Variants in RPS6KA5 observed in about 807,000 individuals in gnomAD.
The protein encoded by RPS6KA5 is ribosomal protein S6 kinase A5, also known as ribosomal protein S6 kinase alpha-5.
Under a neutral mutation model 85.5 loss-of-function variants are expected in RPS6KA5, and 27 were observed. The ratio of observed to expected loss-of-function variants is 0.32; its 90% confidence interval spans 0.23 to 0.44. RPS6KA5 has a LOEUF of 0.44. RPS6KA5 is among the 20% of genes least tolerant of loss of function. The probability of loss-of-function intolerance (pLI) is 1.00; values close to 1 mark genes in which losing one functional copy is unlikely to be tolerated. For synonymous variants in RPS6KA5, 334 were observed against 348.2 expected, an observed-to-expected ratio of 0.96 and a Z score of 0.46; for missense variants, 811 against 980.9, an observed-to-expected ratio of 0.83 and a Z score of 2.31.
In RPS6KA5 at chr14:90,870,608, GAATA is replaced by G. The variant is rs897835863; in HGVS notation, c.*1462_*1465del. On this transcript the variant is annotated 3_prime_UTR_variant, in exon 17 of 17. Transcript: ENST00000614987. ...TAATGCTGCTATAACCTCAAGAAAG[GAATA>G]AATAAATATCATGTCCAAATTCCAA... The G allele has an allele frequency of 5.9e-5, 9 of 151,800 alleles. No homozygotes were observed. Among genetic ancestry groups the G allele is most frequent in the African/African-American group, 2.2e-4 (9 of 41,340 alleles). The allele number at this position is 151,800 out of a possible 1,614,324, so 9.4% of individuals were successfully genotyped here.
In RPS6KA5 at chr14:90,938,424, C is replaced by G. The variant is rs2037394809; in HGVS notation, c.618+4654G>C. 2.0e-5 allele frequency among the ~76,000 whole-genome samples: 3 copies of G among 152,184 alleles called. No individual in the cohort carries two copies. In the South Asian group the frequency reaches 6.2e-4, roughly 32 times the overall value. On this transcript the variant is annotated intron_variant, in intron 5 of 16. Coordinates refer to ENST00000614987, the MANE Select transcript of RPS6KA5 (RefSeq NM_004755.4). ...CATTCTGAGGTTTAAAGGACAGTGG[C>G]CCTCTTCTCACAGCTCCACTAGGCA... is the stretch of plus-strand genomic sequence containing the variant.
chr14:90,957,028 C>G (rs887745661), intron 3 of RPS6KA5, among the ~76,000 whole-genome samples: 5 of 146,416 alleles, frequency 3.4e-5, no homozygotes, highest in Admixed American at 6.9e-5. Context: ...CCCCCTACTT[C>G]CATCCCCAAC....
intron 1 of RPS6KA5, among the ~76,000 whole-genome samples, chr14:91,010,241 T>C (rs2041203586): frequency 5.3e-5 from 8 of 152,192 alleles, no homozygotes; most frequent in Non-Finnish European, 1.5e-5. Flanking sequence ...TGCAGATTAT[T>C]TGTATGATGA....
intron 3 of RPS6KA5, among the ~76,000 whole-genome samples, chr14:90,949,518 T>A (rs917256462): frequency 1.1e-4 from 17 of 152,246 alleles, no homozygotes; most frequent in African/African-American, 4.1e-4. Context: ...TATTAACAAT[T>A]GAACACAAAT....
chr14:90,937,968 T>C (rs1458333079), intron 5 of RPS6KA5, among the ~76,000 whole-genome samples: 1 of 152,188 alleles, frequency 6.6e-6, no homozygotes, highest in African/African-American at 2.4e-5. Context: ...CACAAAGTCT[T>C]AACTCATTTC....
rs761932282 is a variant in RPS6KA5, at chr14:91,060,376, T to C, written c.59A>G (p.Asp20Gly). The change falls in exon 1 of 17, where the codon GAC (aspartate) becomes GGC (glycine). Residue 20 changes from aspartate to glycine, a missense_variant. Asp to Gly is a moderately conservative substitution (Grantham distance 94). Transcript: ENST00000614987. ...GACAGTGAGGAGCTGCTCTCCTCCG[T>C]CGCCGCCGTCCGCGCTGGTCCCCGC... is the stretch of plus-strand genomic sequence containing the variant. Reference protein sequence around the residue: ...GAAGTSADGGDGGEQLLTVKH... With the variant: ...GAAGTSADGGGGGEQLLTVKH... 5.4e-5 allele frequency: 81 copies of C among 1,507,316 alleles called. No homozygotes were observed. The highest frequency in any genetic ancestry group is 6.8e-5 in the Non-Finnish European group (76 of 1,122,244). 93.4% of individuals were successfully genotyped at this position (1,507,316 alleles called of 1,614,324 possible).
chr14:90,999,678 G>T (rs1032858262), intron 2 of RPS6KA5, among the ~76,000 whole-genome samples: 1 of 152,186 alleles, frequency 6.6e-6, no homozygotes, highest in African/African-American at 2.4e-5. Context: ...AAATGGCAAG[G>T]CCTAGTGTAA....
chr14:90,918,458 A>G (rs937711063), intron 7 of RPS6KA5, among the ~76,000 whole-genome samples: 1 of 152,206 alleles, frequency 6.6e-6, no homozygotes, highest in African/African-American at 2.4e-5. Flanking sequence ...TTAAAATTTT[A>G]TCCCAGTCTG....
chr14:90,851,972 CG>C lies in RPS6KA5; in HGVS notation c.*20101del, dbSNP rs2032016266. 1 of 150,690 alleles carries C rather than the reference CG, an allele frequency of 6.6e-6. No homozygotes were observed. Among genetic ancestry groups the C allele is most frequent in the African/African-American group, 2.4e-5 (1 of 41,028 alleles). 9.3% of individuals were successfully genotyped at this position (150,690 alleles called of 1,614,324 possible). A position where few individuals can be genotyped will look rare whatever the true frequency, so the allele number is the denominator to read the frequency against. On this transcript the variant is annotated 3_prime_UTR_variant, in exon 17 of 17. Transcript: ENST00000614987. The stretch of plus-strand genomic sequence containing the variant: ...CAAAAAAGACAGAATTTAATATATT[CG>C]TTGATCTAAAGAAATAAACAGTATT...
intron 1 of RPS6KA5, among the ~76,000 whole-genome samples, chr14:91,004,869 G>A (rs1056144973): frequency 4.6e-5 from 7 of 151,982 alleles, no homozygotes; most frequent in African/African-American, 1.7e-4. Context: ...TCGGGAGGCT[G>A]AGGCAGGAGA....
intron 7 of RPS6KA5, among the ~76,000 whole-genome samples, chr14:90,914,770 A>T (rs758874040): frequency 5.9e-5 from 9 of 152,244 alleles, no homozygotes; most frequent in African/African-American, 2.2e-4. Flanking sequence ...GCTGAGGAGT[A>T]TAAGTGCCAA....
chr14:90,980,081 C>T (rs2039728086), intron 2 of RPS6KA5, among the ~76,000 whole-genome samples: 1 of 152,120 alleles, frequency 6.6e-6, no homozygotes, highest in Non-Finnish European at 1.5e-5. Context: ...AGGTTGAGAC[C>T]TCAGTAAGGC....
intron 13 of RPS6KA5, 90 bp downstream of exon 13, chr14:90,894,322 AG>A: frequency 7.1e-7 from 1 of 1,400,612 alleles, no homozygotes; most frequent in Non-Finnish European, 9.3e-7. Flanking sequence ...TAAAAAAATA[AG>A]GAAACCTCCC....
At chr14:90,954,314 G>A (rs1376231860) in intron 3 of RPS6KA5, among the ~76,000 whole-genome samples, 1 of 152,218 alleles carries the variant, frequency 6.6e-6, no homozygotes, top group Non-Finnish European at 1.5e-5. Context: ...GGAAGAGTTT[G>A]TGAAGAACTG....
chr14:90,994,203 T>C (rs113195578), intron 2 of RPS6KA5, among the ~76,000 whole-genome samples: 2,262 of 152,266 alleles, frequency 0.015, 50 homozygotes, highest in African/African-American at 0.052. Flanking sequence ...AGTCCTCTCA[T>C]ATGCTATCTC....
At position 90,864,078 on chromosome 14, in the gene RPS6KA5, T is replaced by A. The variant is rs2032696662; in HGVS notation, c.*7996A>T. On this transcript the variant is annotated 3_prime_UTR_variant, in exon 17 of 17. Coordinates refer to ENST00000614987, the MANE Select transcript of RPS6KA5 (RefSeq NM_004755.4). The stretch of plus-strand genomic sequence containing the variant: ...CATAAACTTTGGCTACTATTTCACA[T>A]CATATACAAATATCAGCAGTAGATG... 6.6e-6 allele frequency: 1 copy of A among 152,244 alleles called. No individual in the cohort carries two copies. The highest frequency in any genetic ancestry group is 6.5e-5 in the Admixed American group (1 of 15,288). 9.4% of individuals were successfully genotyped at this position (152,244 alleles called of 1,614,324 possible).
chr14:91,044,076 A>G (rs1414438203), intron 1 of RPS6KA5, among the ~76,000 whole-genome samples: 2 of 151,832 alleles, frequency 1.3e-5, no homozygotes, highest in Non-Finnish European at 2.9e-5. Flanking sequence ...AAAATACAAA[A>G]ATTAGCTGGG....
At chr14:91,038,703 C>T (rs2042491507) in intron 1 of RPS6KA5, among the ~76,000 whole-genome samples, 1 of 152,216 alleles carries the variant, frequency 6.6e-6, no homozygotes, top group African/African-American at 2.4e-5. Context: ...CAGCACCAAT[C>T]TTTAGCCATA....
chr14:90,915,849 A>G (rs1459688173), intron 7 of RPS6KA5, among the ~76,000 whole-genome samples: 1 of 151,792 alleles, frequency 6.6e-6, no homozygotes. Flanking sequence ...TTTATAAAAT[A>G]AAAGCTAGTG....
Sources: allele counts gnomAD v4.1 joint callset (sites outside exome capture counted in the v4.1 genomes callset), GRCh38; gene constraint gnomAD v4.1.1; transcripts MANE v1.5; gene names NCBI Gene and HGNC (gene_info 2026-07-23, HGNC 2026-07-21).